Variants in FGF14 observed in about 807,000 individuals in gnomAD.
FGF14 encodes the protein fibroblast growth factor 14.
Under a neutral mutation model 25.5 loss-of-function variants are expected in FGF14, and 5 were observed. The ratio of observed to expected loss-of-function variants is 0.20; its 90% CI spans 0.10 to 0.41. FGF14 has a LOEUF of 0.41. Ranked by LOEUF, FGF14 falls within the 10% of genes least tolerant of loss-of-function variation. FGF14 has a pLI of 1.00. For synonymous variants in FGF14, 138 were observed against 118.3 expected (o/e 1.17, Z -1.08); for missense variants, 222 against 320.1 (o/e 0.69, Z 2.34).
intron 1 of FGF14, among the ~76,000 whole-genome samples, chr13:101,987,589 T>C (rs907949029): frequency 3.3e-5 from 5 of 152,146 alleles, no homozygotes; most frequent in African/African-American, 9.7e-5. Flanking sequence ...AGTTTATATT[T>C]TTACTAGTTT....
chr13:102,235,399 C>T (rs2051282735), intron 1 of FGF14, among the ~76,000 whole-genome samples: 1 of 152,034 alleles, frequency 6.6e-6, no homozygotes, highest in Non-Finnish European at 1.5e-5. Flanking sequence ...TTGCTTTGTT[C>T]TTTGCTGCTC....
rs144601333 is a variant in FGF14, at chr13:102,253,577, G to T, written c.208+147894C>A. Among the ~76,000 whole-genome samples, 71 of 152,270 alleles carry T rather than the reference G, an allele frequency of 4.7e-4. No homozygotes were observed. The Middle Eastern group carries it at 0.02, about 44-fold the overall frequency. On this transcript the variant is annotated intron_variant, in intron 1 of 4. Transcript: ENST00000376131. Reference sequence around the variant, plus strand: ...GATTCTGGATATTAGCACTCTGTCAGATGGATAGATTGCAAAAATTTCCCC... The same window carrying T: ...GATTCTGGATATTAGCACTCTGTCATATGGATAGATTGCAAAAATTTCCCC...
intron 3 of FGF14, among the ~76,000 whole-genome samples, chr13:101,845,223 A>G (rs915207871): frequency 6.6e-6 from 1 of 152,058 alleles, no homozygotes; most frequent in Non-Finnish European, 1.5e-5. Flanking sequence ...AATTGTCACA[A>G]CAGCTATCAC....
intron 3 of FGF14, among the ~76,000 whole-genome samples, chr13:101,743,266 G>A (rs904758538): frequency 1.1e-4 from 16 of 152,174 alleles, no homozygotes; most frequent in African/African-American, 3.9e-4. Context: ...TTGGTTTACA[G>A]AGACTAAGAA....
At chr13:101,741,667 C>T (rs868839707) in intron 3 of FGF14, among the ~76,000 whole-genome samples, 19 of 149,648 alleles carry the variant, frequency 1.3e-4, no homozygotes, top group African/African-American at 4.6e-4. Flanking sequence ...CATCAGAGTA[C>T]TTCCCTGCCT....
intron 1 of FGF14, among the ~76,000 whole-genome samples, chr13:102,255,989 A>C (rs544272015): frequency 2.6e-5 from 4 of 152,116 alleles, no homozygotes; most frequent in Non-Finnish European, 5.9e-5. Flanking sequence ...AATAAACTTG[A>C]ATTTGATAAT....
At chr13:102,120,048 C>T (rs942692726) in intron 1 of FGF14, among the ~76,000 whole-genome samples, 2 of 152,168 alleles carry the variant, frequency 1.3e-5, no homozygotes, top group South Asian at 4.1e-4. Flanking sequence ...ACAGACACCT[C>T]CTCAGAGCTC....
chr13:101,732,985 A>G (rs1016888616), intron 3 of FGF14, among the ~76,000 whole-genome samples: 3 of 152,156 alleles, frequency 2.0e-5, no homozygotes, highest in African/African-American at 7.2e-5. Flanking sequence ...TTTAAAATCA[A>G]TTGTATCCTT....
intron 1 of FGF14, among the ~76,000 whole-genome samples, chr13:102,161,687 A>G (rs1261227201): frequency 5.0e-4 from 39 of 78,730 alleles, no homozygotes; most frequent in Middle Eastern, 0.018. Context: ...AAGAAGAAGA[A>G]GAAGAAGAAG....
intron 1 of FGF14, among the ~76,000 whole-genome samples, chr13:102,042,725 A>C (rs781066313): frequency 2.6e-5 from 4 of 152,216 alleles, no homozygotes; most frequent in Admixed American, 1.3e-4. Context: ...ATGTGCCAAC[A>C]CATGTCTGTG....
chr13:101,941,161 G>T (rs2035424939), intron 1 of FGF14, among the ~76,000 whole-genome samples: 2 of 152,160 alleles, frequency 1.3e-5, no homozygotes, highest in Admixed American at 6.6e-5. Flanking sequence ...CAAAAAATGG[G>T]ATTCATCACA....
At chr13:102,383,197 T>C (rs1031867205) in intron 1 of FGF14, among the ~76,000 whole-genome samples, 2 of 148,680 alleles carry the variant, frequency 1.3e-5, no homozygotes, top group African/African-American at 5.1e-5. Flanking sequence ...TGATCAATTA[T>C]ACCAATTATT....
At chr13:102,065,885 CAT>C (rs2042884419) in intron 1 of FGF14, among the ~76,000 whole-genome samples, 5 of 151,970 alleles carry the variant, frequency 3.3e-5, no homozygotes, top group Admixed American at 2.6e-4. Context: ...TATCAAATAA[CAT>C]AATGAATAAA....
intron 1 of FGF14, among the ~76,000 whole-genome samples, chr13:102,161,638 AAGAAGAAGAAG>A (rs2047720873): frequency 8.6e-5 from 1 of 11,584 alleles, no homozygotes; most frequent in Admixed American, 1.3e-3. Flanking sequence ...GAAGAAGAAG[AAGAAGAAGAAG>A]AAGAAGAAGA....
At chr13:102,357,384 A>G (rs898868063) in intron 1 of FGF14, among the ~76,000 whole-genome samples, 1 of 152,198 alleles carries the variant, frequency 6.6e-6, no homozygotes, top group African/African-American at 2.4e-5. Flanking sequence ...TATGTCTGTC[A>G]GGATACACGG....
At chr13:102,050,887 G>T (rs2042188783) in intron 1 of FGF14, among the ~76,000 whole-genome samples, 1 of 152,200 alleles carries the variant, frequency 6.6e-6, no homozygotes, top group East Asian at 1.9e-4. Context: ...ATCAATATCA[G>T]CCCATGGTCT....
At chr13:102,161,829 TAA>T (rs769955534) in intron 1 of FGF14, among the ~76,000 whole-genome samples, 17 of 135,380 alleles carry the variant, frequency 1.3e-4, no homozygotes, top group African/African-American at 3.5e-4. Flanking sequence ...AGAAGATAAT[TAA>T]AAAAAAAAAA....
chr13:101,892,855 C>T (rs868388559), intron 1 of FGF14, among the ~76,000 whole-genome samples: 8 of 152,102 alleles, frequency 5.3e-5, no homozygotes, highest in African/African-American at 9.7e-5. Flanking sequence ...AGCATCACCA[C>T]GGAATGAGGA....
chr13:102,347,190 T>A (rs2057134881), intron 1 of FGF14, among the ~76,000 whole-genome samples: 1 of 152,298 alleles, frequency 6.6e-6, no homozygotes, highest in Admixed American at 6.5e-5. Flanking sequence ...GAAGCAGACC[T>A]GCCAGTCAGT....
Sources: gnomAD v4.1 joint callset for allele counts (sites outside exome capture counted in the v4.1 genomes callset) on GRCh38, gnomAD v4.1.1 for gene constraint, MANE v1.5 for transcripts, NCBI Gene and HGNC (gene_info 2026-07-23, HGNC 2026-07-21) for gene names.